MAPKAPK3: variants seen among roughly 807,000 people sequenced by gnomAD.
MAPKAPK3 encodes MAPK activated protein kinase 3.
In MAPKAPK3, 35 loss-of-function variants were observed where a neutral mutation model predicts 49.2. The observed-to-expected ratio is 0.71, with a 90% CI of 0.54 to 0.94. MAPKAPK3 has a LOEUF of 0.94. MAPKAPK3 is among the 40% of genes least tolerant of loss of function. MAPKAPK3 has a pLI of 0.00. For missense variants in MAPKAPK3, 398 were observed against 493.1 expected (o/e 0.81, Z 1.83); for synonymous variants, 178 against 188.7 (o/e 0.94, Z 0.46).
intron 6 of MAPKAPK3, 125 bp from the exon 7 acceptor site, chr3:50,645,585 G>T (rs1454889667): frequency 7.4e-6 from 5 of 673,946 alleles, no homozygotes; most frequent in South Asian, 3.6e-5. Context: ...GGTGCCAGAC[G>T]CCAGTCTGCT....
At chr3:50,641,342 C>T (rs1439504116) in intron 3 of MAPKAPK3, among the ~76,000 whole-genome samples, 1 of 152,156 alleles carries the variant, frequency 6.6e-6, no homozygotes, top group African/African-American at 2.4e-5. Flanking sequence ...GCCCAGAGAA[C>T]AGTGGTCATA....
chr3:50,631,753 T>C (rs922729615), intron 2 of MAPKAPK3, among the ~76,000 whole-genome samples: 1 of 152,314 alleles, frequency 6.6e-6, no homozygotes, highest in East Asian at 1.9e-4. Flanking sequence ...TCAAAGTGTT[T>C]TGTCTTATTC....
intron 2 of MAPKAPK3, among the ~76,000 whole-genome samples, chr3:50,629,153 A>T (rs1020337070): frequency 6.6e-6 from 1 of 152,056 alleles, no homozygotes; most frequent in Non-Finnish European, 1.5e-5. Context: ...AGCCTTTCAC[A>T]GCAAAACAGG....
chr3:50,631,528 C>T (rs528890562), intron 2 of MAPKAPK3, among the ~76,000 whole-genome samples: 3 of 152,174 alleles, frequency 2.0e-5, no homozygotes, highest in Non-Finnish European at 4.4e-5. Flanking sequence ...CTGGCAGGGC[C>T]GTGTGTGTTA....
chr3:50,617,654 G>A lies in MAPKAPK3; in HGVS notation c.89G>A (p.Gly30Glu), dbSNP rs1027886642. The A allele has an allele frequency of 5.6e-6, 9 of 1,610,470 alleles. No homozygotes were observed. The highest frequency in any genetic ancestry group is 7.6e-6 in the Non-Finnish European group (9 of 1,177,614). Residue 30 changes from glycine (G) to glutamate (E), a missense_variant, in exon 2 of 11, where the codon GGG (glycine) becomes GAG (glutamate). Physicochemically the swap from Gly to Glu is moderately conservative, Grantham distance 98. Transcript: ENST00000621469. ...CCCGGCTTGGGCGGTGCTCCGGGGG[G>A]GCGGCGGGAGCCCAAGAAGTACGCA... ...GGPGLGGAPG[G>E]RREPKKYAVT...
At chr3:50,634,458 G>T (rs1393774155) in intron 2 of MAPKAPK3, among the ~76,000 whole-genome samples, 1 of 151,932 alleles carries the variant, frequency 6.6e-6, no homozygotes, top group African/African-American at 2.4e-5. Context: ...GGGGCCCGTT[G>T]GGTTGTCAGA....
chr3:50,613,747 C>G (rs2032396257), upstream of MAPKAPK3: 1 of 152,212 alleles, frequency 6.6e-6, no homozygotes, highest in African/African-American at 2.4e-5. Flanking sequence ...AATTTGCAGC[C>G]TCATGTCATT....
At chr3:50,647,321 G>A in intron 10 of MAPKAPK3, 118 bp downstream of exon 10, 1 of 771,248 alleles carries the variant, frequency 1.3e-6, no homozygotes, top group Non-Finnish European at 2.2e-6. Context: ...TGGAGCACAG[G>A]GTGTCAGTGA....
At position 50,649,281 on chromosome 3, in the gene MAPKAPK3, T is replaced by C. The variant is rs1029357171; in HGVS notation, c.*1235T>C. On this transcript the variant is annotated 3_prime_UTR_variant, in exon 11 of 11. Coordinates refer to ENST00000621469, the MANE Select transcript of MAPKAPK3 (RefSeq NM_001243925.2). Reference sequence around the variant, plus strand: ...CATCCAGATAGTAATAAACACCATTTCATCATTTTCTCTTGGCTCCTGGGT... The same window carrying C: ...CATCCAGATAGTAATAAACACCATTCCATCATTTTCTCTTGGCTCCTGGGT... 6.6e-6 allele frequency: 1 copy of C among 152,254 alleles called. No individual in the cohort carries two copies. The allele number at this position is 152,254 out of a possible 1,614,324, so 9.4% of individuals were successfully genotyped here.
intron 2 of MAPKAPK3, among the ~76,000 whole-genome samples, chr3:50,629,514 A>G (rs1576003072): frequency 6.6e-6 from 1 of 152,150 alleles, no homozygotes; most frequent in African/African-American, 2.4e-5. Context: ...GCTCCCTGGG[A>G]ACAGGAGTAT....
At chr3:50,644,669 C>A in intron 6 of MAPKAPK3, 137 bp downstream of exon 6, 3 of 895,774 alleles carry the variant, frequency 3.3e-6, no homozygotes, top group Non-Finnish European at 5.0e-6. Flanking sequence ...TGCATGGAGG[C>A]GGGTGACGTG....
intron 8 of MAPKAPK3, 38 bp from the exon 9 acceptor site, chr3:50,646,702 C>A: frequency 6.7e-7 from 1 of 1,493,342 alleles, no homozygotes; most frequent in South Asian, 1.1e-5. Context: ...GCTGGCTCTG[C>A]AATCTCATCT....
At chr3:50,613,683 C>T (rs1163525735), upstream of MAPKAPK3, 1 of 152,186 alleles carries the variant, frequency 6.6e-6, no homozygotes, top group Non-Finnish European at 1.5e-5. Context: ...ATACTTCTTC[C>T]CCCTCACCAT....
chr3:50,631,083 C>T (rs977500106), intron 2 of MAPKAPK3, among the ~76,000 whole-genome samples: 2 of 152,200 alleles, frequency 1.3e-5, no homozygotes, highest in Non-Finnish European at 1.5e-5. Flanking sequence ...CAGGGTGAGA[C>T]AGAGGACAGG....
intron 5 of MAPKAPK3, among the ~76,000 whole-genome samples, chr3:50,642,720 G>C (rs1172966040): frequency 1.3e-5 from 2 of 152,238 alleles, no homozygotes; most frequent in East Asian, 3.8e-4. Flanking sequence ...TTGCCCAGGG[G>C]CTGTGTAGTT....
intron 2 of MAPKAPK3, among the ~76,000 whole-genome samples, chr3:50,619,055 G>A (rs1028445628): frequency 6.6e-6 from 1 of 152,224 alleles, no homozygotes; most frequent in African/African-American, 2.4e-5. Context: ...GCTATCCTGT[G>A]TTTGCCAGTT....
chr3:50,631,002 G>C (rs541928802), intron 2 of MAPKAPK3, among the ~76,000 whole-genome samples: 1 of 152,318 alleles, frequency 6.6e-6, no homozygotes, highest in Admixed American at 6.5e-5. Flanking sequence ...GGGCCTGGAC[G>C]TTTGGGGTCA....
Position 50,646,147 on chromosome 3 carries a change from G to A in MAPKAPK3, c.712G>A (p.Gly238Ser). The A allele has an allele frequency of 6.2e-7, 1 of 1,613,408 alleles. No individual in the cohort carries two copies. The highest frequency in any genetic ancestry group is 8.5e-7 in the Non-Finnish European group (1 of 1,179,564). The change falls in exon 8 of 11, where the codon GGC (glycine) becomes AGC (serine). Residue 238 changes from glycine to serine, a missense_variant. Gly to Ser is a moderately conservative substitution (Grantham distance 56). Coordinates refer to ENST00000621469, the MANE Select transcript of MAPKAPK3 (RefSeq NM_001243925.2). ...LGVIMYILLC[G>S]FPPFYSNTGQ... ...ACTTACCCCTTCCCCCAGCCTTTGTGGCTTCCCACCCTTCTACTCCAACAC... is the reference window on the plus strand; with the variant it reads ...ACTTACCCCTTCCCCCAGCCTTTGTAGCTTCCCACCCTTCTACTCCAACAC...
intron 2 of MAPKAPK3, among the ~76,000 whole-genome samples, chr3:50,634,575 A>G (rs1279122694): frequency 6.7e-6 from 1 of 148,928 alleles, no homozygotes; most frequent in Admixed American, 6.7e-5. Flanking sequence ...TGCAACCTCC[A>G]CTTCCCGGGT....
Sources: allele counts gnomAD v4.1 joint callset (sites outside exome capture counted in the v4.1 genomes callset), GRCh38; gene constraint gnomAD v4.1.1; transcripts MANE v1.5; gene names NCBI Gene and HGNC (gene_info 2026-07-23, HGNC 2026-07-21).